NSD3: variants seen among roughly 807,000 people sequenced by gnomAD.
NSD3 encodes nuclear receptor binding SET domain protein 3.
Under a neutral mutation model 160.8 loss-of-function variants are expected in NSD3, and 24 were observed. The observed-to-expected ratio is 0.15, with a 90% CI of 0.11 to 0.21. NSD3 has a LOEUF of 0.21. Among genes scored for constraint, NSD3 ranks in the 10% least tolerant of loss-of-function variants. The pLI is 1.00. For synonymous variants in NSD3, 520 were observed against 600.0 expected, an observed-to-expected ratio of 0.87 and a Z score of 1.95; for missense variants, 1,157 against 1,735.9, an observed-to-expected ratio of 0.67 and a Z score of 5.93.
intron 14 of NSD3, among the ~76,000 whole-genome samples, chr8:38,304,036 G>A (rs928491730): frequency 9.9e-5 from 15 of 152,156 alleles, no homozygotes; most frequent in African/African-American, 3.4e-4. Context: ...TCAACAGCTG[G>A]CAACAAGAAA....
intron 12 of NSD3, among the ~76,000 whole-genome samples, chr8:38,313,955 T>G (rs2099465145): frequency 6.6e-6 from 1 of 151,964 alleles, no homozygotes; most frequent in Non-Finnish European, 1.5e-5. Context: ...TCATGTACAC[T>G]TGCTATCTGA....
At chr8:38,362,603 C>T (rs115038336) in intron 1 of NSD3, among the ~76,000 whole-genome samples, 1,993 of 152,190 alleles carry the variant, frequency 0.013, 47 homozygotes, top group African/African-American at 0.046. Context: ...AAAAGAGTCA[C>T]GACTTGTCAA....
intron 1 of NSD3, among the ~76,000 whole-genome samples, chr8:38,352,670 C>G (rs1201218109): frequency 6.6e-6 from 1 of 151,874 alleles, no homozygotes; most frequent in African/African-American, 2.4e-5. Context: ...CAGAAACACA[C>G]AATCACAGCT....
chr8:38,342,849 C>T (rs944090329), intron 2 of NSD3, among the ~76,000 whole-genome samples: 12 of 151,932 alleles, frequency 7.9e-5, no homozygotes, highest in South Asian at 4.2e-4. Context: ...TGAGCCACCA[C>T]GGCCTTCAGC....
intron 1 of NSD3, among the ~76,000 whole-genome samples, chr8:38,375,927 C>T (rs1237036730): frequency 6.6e-6 from 1 of 151,932 alleles, no homozygotes; most frequent in Non-Finnish European, 1.5e-5. Context: ...GTATCTACAA[C>T]AGACAAGACT....
intron 1 of NSD3, among the ~76,000 whole-genome samples, chr8:38,359,187 G>A (rs1035755940): frequency 5.9e-5 from 9 of 152,100 alleles, no homozygotes; most frequent in African/African-American, 2.2e-4. Flanking sequence ...TAGTAATACA[G>A]TAACAAATGT....
chr8:38,310,910 AG>A (rs1809518643), intron 12 of NSD3, among the ~76,000 whole-genome samples: 1 of 152,074 alleles, frequency 6.6e-6, no homozygotes, highest in African/African-American at 2.4e-5. Context: ...GGTTTTCAAC[AG>A]CCACTACACC....
intron 1 of NSD3, among the ~76,000 whole-genome samples, chr8:38,369,287 T>A (rs998494001): frequency 2.0e-5 from 3 of 152,228 alleles, no homozygotes; most frequent in Non-Finnish European, 4.4e-5. Context: ...GTTTGTTTAA[T>A]CAGAACACCA....
chr8:38,278,184 C>A lies in NSD3; in HGVS notation c.3867+122G>T. 9.0e-6 allele frequency: 6 copies of A among 666,416 alleles called. 1 individual carries two copies. In the South Asian group the frequency reaches 1.3e-4, roughly 15 times the overall value. 41.3% of individuals were successfully genotyped at this position (666,416 alleles called of 1,614,324 possible). A position where few individuals can be genotyped will look rare whatever the true frequency, so the allele number is the denominator to read the frequency against. The stretch of plus-strand genomic sequence containing the variant: ...CGATCTCCTGACCTCGTGATCTGCC[C>A]GCCTTGGCCTCCCAAAGTGCTGGGA... On this transcript the variant is annotated intron_variant, in intron 22 of 23. Transcript: ENST00000317025.
intron 2 of NSD3, among the ~76,000 whole-genome samples, chr8:38,346,008 T>G (rs1465252059): frequency 6.6e-6 from 1 of 152,128 alleles, no homozygotes; most frequent in South Asian, 2.1e-4. Flanking sequence ...ATAGCAGACA[T>G]CTAACAGAGA....
At chr8:38,339,793 A>C (rs1403487793) in intron 2 of NSD3, among the ~76,000 whole-genome samples, 1 of 152,164 alleles carries the variant, frequency 6.6e-6, no homozygotes, top group Non-Finnish European at 1.5e-5. Flanking sequence ...AGTAGCTATC[A>C]AAATTCAAGA....
chr8:38,303,435 AGGC>A (rs1160530313), intron 14 of NSD3: 1 of 981,574 alleles, frequency 1.0e-6, no homozygotes, highest in African/African-American at 1.7e-5. Flanking sequence ...CCTGCTCCAA[AGGC>A]AGACAGTCAC....
rs565429625 is a variant in NSD3 at position 38,304,586 on chromosome 8, C to T, written c.2611+1G>A. Reference sequence around the variant, plus strand: ...AATGAAGAGAAAAGTCAGACACTCACCTCTGGCACAAACGAAACAAAAGCC... The same window carrying T: ...AATGAAGAGAAAAGTCAGACACTCATCTCTGGCACAAACGAAACAAAAGCC... On this transcript the variant is annotated splice_donor_variant, in intron 14 of 23. Transcript: ENST00000317025. LOFTEE classifies it high-confidence loss of function. 1 of 1,609,522 alleles carries T rather than the reference C, an allele frequency of 6.2e-7. No individual in the cohort carries two copies. The highest frequency in any genetic ancestry group is 2.2e-5 in the East Asian group (1 of 44,832).
intron 1 of NSD3, among the ~76,000 whole-genome samples, chr8:38,368,373 G>C (rs1051679384): frequency 6.6e-6 from 1 of 152,164 alleles, no homozygotes; most frequent in East Asian, 1.9e-4. Flanking sequence ...TAAAAATTTA[G>C]AGAAAGATGT....
At chr8:38,353,737 A>G (rs1440804199) in intron 1 of NSD3, among the ~76,000 whole-genome samples, 1 of 152,212 alleles carries the variant, frequency 6.6e-6, no homozygotes, top group Non-Finnish European at 1.5e-5. Context: ...GTTTTCATAT[A>G]CATTTGTATT....
Position 38,308,911 on chromosome 8 carries a change from G to T in NSD3, c.2243-3466C>A, listed in dbSNP as rs369991555. ...AACTAGTGCAAATGTTATGCTAACA[G>T]AGAGCTGAACTATCAAACTCCTTTA... On this transcript the variant is annotated intron_variant, in intron 12 of 23. Transcript: ENST00000317025. Among the ~76,000 whole-genome samples the T allele has an allele frequency of 6.6e-5, 10 of 152,186 alleles. No individual in the cohort carries two copies. In the East Asian group the frequency reaches 1.3e-3, roughly 20 times the overall value.
intron 1 of NSD3, among the ~76,000 whole-genome samples, chr8:38,380,017 A>G (rs993972330): frequency 1.3e-5 from 2 of 152,208 alleles, no homozygotes; most frequent in Non-Finnish European, 2.9e-5. Flanking sequence ...TGAAGTTTCA[A>G]TCAAAAAACG....
At position 38,321,320 on chromosome 8, in the gene NSD3, G is replaced by T. The variant is rs1809792272; in HGVS notation, c.1709-148C>A. ...TCATTAAAAAATGCTAAACATTCAGGAGCATATAAATTATTTAACAGATCA... is the reference window on the plus strand; with the variant it reads ...TCATTAAAAAATGCTAAACATTCAGTAGCATATAAATTATTTAACAGATCA... On this transcript the variant is annotated intron_variant, in intron 7 of 23. Transcript: ENST00000317025. This position sits in a 1 kb window ranked among gnomAD's most constrained non-coding sequence, Gnocchi z 4.7. 1.6e-6 allele frequency: 1 copy of T among 615,440 alleles called. No homozygotes were observed. Among genetic ancestry groups the T allele is most frequent in the Non-Finnish European group, 2.7e-6 (1 of 366,730 alleles). The allele number at this position is 615,440 out of a possible 1,614,324, so 38.1% of individuals were successfully genotyped here.
Position 38,318,113 on chromosome 8 carries a change from C to T in NSD3, c.1855+782G>A. Reference sequence around the variant, plus strand: ...GATCGCGATGTCTTTTCTTGGAGCTCCGCCAAGCAGTGTTCCCTCCGAGAG... The same window carrying T: ...GATCGCGATGTCTTTTCTTGGAGCTTCGCCAAGCAGTGTTCCCTCCGAGAG... On this transcript the variant is annotated intron_variant, in intron 9 of 23. Transcript: ENST00000317025. The surrounding 1 kb of genome is among the most constrained non-coding windows in gnomAD (Gnocchi z 5.3). The T allele has an allele frequency of 6.4e-7, 1 of 1,558,038 alleles. No homozygotes were observed. The highest frequency in any genetic ancestry group is 8.8e-7 in the Non-Finnish European group (1 of 1,141,492).
Sources: gnomAD v4.1 joint callset for allele counts (sites outside exome capture counted in the v4.1 genomes callset) on GRCh38, gnomAD v4.1.1 for gene constraint, Gnocchi (gnomAD v3.1) non-coding constraint, MANE v1.5 for transcripts, NCBI Gene and HGNC (gene_info 2026-07-23, HGNC 2026-07-21) for gene names.